NPAS3: variants seen among roughly 807,000 people sequenced by gnomAD.
NPAS3 encodes the protein neuronal PAS domain-containing protein 3.
NPAS3 carries 14 observed loss-of-function variants against 73.1 expected under a neutral mutation model. The ratio of observed to expected loss-of-function variants is 0.19; its 90% confidence interval spans 0.13 to 0.30. NPAS3 has a LOEUF of 0.30. Among genes scored for constraint, NPAS3 ranks in the 10% least tolerant of loss-of-function variants. The probability of loss-of-function intolerance (pLI) is 1.00; values close to 1 mark genes in which losing one functional copy is unlikely to be tolerated. For synonymous variants in NPAS3, 620 were observed against 541.5 expected (o/e 1.14, Z -2.01); for missense variants, 1,096 against 1,250.0 (o/e 0.88, Z 1.86).
intron 9 of NPAS3, among the ~76,000 whole-genome samples, chr14:33,783,628 G>A (rs1447716521): frequency 6.6e-6 from 1 of 152,122 alleles, no homozygotes; most frequent in East Asian, 1.9e-4. Context: ...CAGGGAGACA[G>A]TGCTTGTTTT....
At chr14:33,606,500 T>G (rs1378541206) in intron 5 of NPAS3, among the ~76,000 whole-genome samples, 1 of 152,098 alleles carries the variant, frequency 6.6e-6, no homozygotes, top group Non-Finnish European at 1.5e-5. Flanking sequence ...ATAAAAATAG[T>G]CTTTTCAACA....
chr14:33,332,025 A>G (rs1025057028), intron 3 of NPAS3, among the ~76,000 whole-genome samples: 12 of 152,228 alleles, frequency 7.9e-5, no homozygotes, highest in African/African-American at 2.9e-4. Context: ...TTGCTGCTGA[A>G]AATTTTTTAG....
chr14:33,045,042 G>A (rs1232186344), intron 1 of NPAS3, among the ~76,000 whole-genome samples: 1 of 152,110 alleles, frequency 6.6e-6, no homozygotes, highest in African/African-American at 2.4e-5. Flanking sequence ...CAGCTTGAGG[G>A]AAGGAAGAGC....
chr14:33,166,390 T>C (rs1372348809), intron 2 of NPAS3, among the ~76,000 whole-genome samples: 1 of 152,144 alleles, frequency 6.6e-6, no homozygotes, highest in Non-Finnish European at 1.5e-5. Context: ...TAAGTATCTC[T>C]TCCCTTTGTA....
intron 4 of NPAS3, among the ~76,000 whole-genome samples, chr14:33,519,827 A>T (rs994124211): frequency 2.0e-5 from 3 of 152,070 alleles, no homozygotes; most frequent in African/African-American, 7.2e-5. Flanking sequence ...CCCAGATAAT[A>T]CTAATTTTTC....
intron 1 of NPAS3, among the ~76,000 whole-genome samples, chr14:32,957,506 G>T (rs543660201): frequency 2.6e-4 from 40 of 151,654 alleles, no homozygotes; most frequent in Non-Finnish European, 4.7e-4. Context: ...CGAGTAGCTG[G>T]GTCTACAGGT....
At chr14:33,742,366 G>A (rs560670959) in intron 7 of NPAS3, among the ~76,000 whole-genome samples, 2 of 152,266 alleles carry the variant, frequency 1.3e-5, no homozygotes, top group Admixed American at 6.5e-5. Context: ...TTCCGACCAC[G>A]ACAATAAAAC....
At chr14:32,994,323 A>G (rs2139502308) in intron 1 of NPAS3, among the ~76,000 whole-genome samples, 1 of 152,298 alleles carries the variant, frequency 6.6e-6, no homozygotes, top group African/African-American at 2.4e-5. Context: ...GACTTCCTGT[A>G]TATTAAATTA....
At chr14:33,738,451 T>C (rs986077909) in intron 7 of NPAS3, among the ~76,000 whole-genome samples, 2 of 152,182 alleles carry the variant, frequency 1.3e-5, no homozygotes, top group Non-Finnish European at 2.9e-5. Context: ...CGTATCCCAC[T>C]GCACTAGTGT....
At chr14:33,587,370 A>G (rs926201047) in intron 5 of NPAS3, among the ~76,000 whole-genome samples, 1 of 152,164 alleles carries the variant, frequency 6.6e-6, no homozygotes, top group African/African-American at 2.4e-5. Context: ...GTCCTTATTT[A>G]AGATGTGATC....
intron 2 of NPAS3, among the ~76,000 whole-genome samples, chr14:33,139,191 T>C (rs1024440375): frequency 9.2e-5 from 14 of 152,138 alleles, no homozygotes; most frequent in African/African-American, 1.4e-4. Context: ...TTGTCAAGCA[T>C]ATAAAATCAG....
rs200419122 is a variant in NPAS3, at chr14:33,608,589, C to G, written c.558+48379C>G. 7.2e-5 allele frequency: 11 copies of G among 152,276 alleles called. No individual in the cohort carries two copies. The East Asian group carries it at 1.9e-3, about 27-fold the overall frequency. 9.4% of individuals were successfully genotyped at this position (152,276 alleles called of 1,614,324 possible). On this transcript the variant is annotated intron_variant, in intron 5 of 11. Transcript: ENST00000356141. Reference sequence around the variant, plus strand: ...TGTCCTTCTCAATTCAGAACTACAGCACAATTCATGTTGCAGACCAATGTA... The same window carrying G: ...TGTCCTTCTCAATTCAGAACTACAGGACAATTCATGTTGCAGACCAATGTA...
Position 33,629,221 on chromosome 14 carries a change from C to T in NPAS3, c.559-46990C>T, listed in dbSNP as rs191549799. Among the ~76,000 whole-genome samples, 236 of 141,158 alleles carry T rather than the reference C, an allele frequency of 1.7e-3. 2 individuals carry two copies. In the East Asian group the frequency reaches 0.043, roughly 26 times the overall value. The allele number at this position is 141,158 out of a possible 152,430, so 92.6% of individuals were successfully genotyped here. A position where few individuals can be genotyped will look rare whatever the true frequency, so the allele number is the denominator to read the frequency against. ...CTGCACTCCAGCCTGGGTGACAGAG[C>T]GAGACTCCATCTCAAAAAAAAAAAA... On this transcript the variant is annotated intron_variant, in intron 5 of 11. Coordinates refer to ENST00000356141, the Ensembl canonical transcript of NPAS3.
chr14:33,744,031 C>G (rs959592792), intron 7 of NPAS3, among the ~76,000 whole-genome samples: 1 of 152,224 alleles, frequency 6.6e-6, no homozygotes, highest in East Asian at 1.9e-4. Flanking sequence ...TCCCTAACAG[C>G]AGTAAGGCTG....
intron 2 of NPAS3, among the ~76,000 whole-genome samples, chr14:33,198,674 T>A (rs1230326328): frequency 6.6e-6 from 1 of 152,204 alleles, no homozygotes; most frequent in African/African-American, 2.4e-5. Flanking sequence ...CCAGCTGGTT[T>A]CCCCTAGTGG....
At chr14:33,599,902 T>G (rs922631031) in intron 5 of NPAS3, among the ~76,000 whole-genome samples, 1 of 152,184 alleles carries the variant, frequency 6.6e-6, no homozygotes, top group Non-Finnish European at 1.5e-5. Context: ...TTATTAAAAA[T>G]CTAATTCAGG....
intron 1 of NPAS3, among the ~76,000 whole-genome samples, chr14:33,023,089 AT>A (rs2039669136): frequency 6.6e-6 from 1 of 151,060 alleles, no homozygotes; most frequent in South Asian, 2.1e-4. Flanking sequence ...GCAAACACAA[AT>A]TTAAAAAAAA....
chr14:33,549,023 GTTTATA>G (rs1390849407), intron 4 of NPAS3, among the ~76,000 whole-genome samples: 4 of 152,136 alleles, frequency 2.6e-5, no homozygotes, highest in South Asian at 2.1e-4. Flanking sequence ...ATGTGAACAT[GTTTATA>G]TTTATTTATA....
At chr14:33,330,723 C>T (rs2140275169) in intron 3 of NPAS3, among the ~76,000 whole-genome samples, 1 of 152,218 alleles carries the variant, frequency 6.6e-6, no homozygotes, top group Admixed American at 6.5e-5. Flanking sequence ...AATTGATAGT[C>T]ACTTAACATT....
Sources: gnomAD v4.1 joint callset for allele counts (sites outside exome capture counted in the v4.1 genomes callset) on GRCh38, gnomAD v4.1.1 for gene constraint, MANE v1.5 for transcripts, NCBI Gene and HGNC (gene_info 2026-07-23, HGNC 2026-07-21) for gene names.